TNFSF4: variants seen among roughly 807,000 people sequenced by gnomAD.
The protein encoded by TNFSF4 is TNF superfamily member 4.
Under a neutral mutation model 7.3 loss-of-function variants are expected in TNFSF4, and 4 were observed. The ratio of observed to expected loss-of-function variants is 0.55; its 90% CI spans 0.27 to 1.25. The LOEUF is 1.25. TNFSF4 is among the 50% of genes most tolerant of loss of function. The probability of loss-of-function intolerance (pLI) is 0.12; values close to 1 mark genes in which losing one functional copy is unlikely to be tolerated. For synonymous variants in TNFSF4, 76 were observed against 83.7 expected (o/e 0.91, Z 0.50); for missense variants, 181 against 208.8 (o/e 0.87, Z 0.82).
the TNFSF4 span, among the ~76,000 whole-genome samples, chr1:173,250,581 T>TC: frequency 1.3e-5 from 2 of 151,666 alleles, no homozygotes; most frequent in African/African-American, 4.8e-5. Flanking sequence ...TGCCTCAGCC[T>TC]CCCGAGTAGC....
the TNFSF4 span, among the ~76,000 whole-genome samples, chr1:173,365,851 C>T: frequency 6.5e-4 from 99 of 152,162 alleles, no homozygotes; most frequent in South Asian, 0.019. Context: ...TGTGTCAGGA[C>T]AAGATTTATC....
At chr1:173,342,990 C>T in the TNFSF4 span, among the ~76,000 whole-genome samples, 4 of 152,182 alleles carry the variant, frequency 2.6e-5, no homozygotes, top group African/African-American at 4.8e-5. Context: ...GAAGGTGACA[C>T]AATGCTCTGT....
At chr1:173,190,782 T>C (rs1348385432) in intron 1 of TNFSF4, among the ~76,000 whole-genome samples, 1 of 152,198 alleles carries the variant, frequency 6.6e-6, no homozygotes, top group Non-Finnish European at 1.5e-5. Context: ...AAAGAAGCCC[T>C]CTGTGGAGTA....
At chr1:173,279,563 A>G in the TNFSF4 span, among the ~76,000 whole-genome samples, 2 of 152,032 alleles carry the variant, frequency 1.3e-5, no homozygotes, top group Admixed American at 6.6e-5. Context: ...CCAAAACTGA[A>G]CTCACCATGT....
At chr1:173,434,631 C>G in the TNFSF4 span, among the ~76,000 whole-genome samples, 1 of 152,154 alleles carries the variant, frequency 6.6e-6, no homozygotes, top group African/African-American at 2.4e-5. Context: ...GTTTGAGGGT[C>G]ATGAAATGGG....
At chr1:173,448,836 A>ATGGCT in the TNFSF4 span, among the ~76,000 whole-genome samples, 1 of 152,212 alleles carries the variant, frequency 6.6e-6, no homozygotes, top group East Asian at 1.9e-4. Context: ...AGGGGATGCG[A>ATGGCT]TGGCTTGGCT....
chr1:173,336,252 A>C, the TNFSF4 span, among the ~76,000 whole-genome samples: 1 of 152,180 alleles, frequency 6.6e-6, no homozygotes, highest in East Asian at 1.9e-4. Context: ...ACCACCATTA[A>C]AGATTTGAAA....
the TNFSF4 span, among the ~76,000 whole-genome samples, chr1:173,379,735 C>A: frequency 6.6e-6 from 1 of 152,284 alleles, no homozygotes; most frequent in South Asian, 2.1e-4. Context: ...ATAAACAAAC[C>A]TTGGTGGTTC....
At chr1:173,350,196 G>T in the TNFSF4 span, among the ~76,000 whole-genome samples, 1 of 152,276 alleles carries the variant, frequency 6.6e-6, no homozygotes, top group Non-Finnish European at 1.5e-5. Flanking sequence ...ATTGAAGCTT[G>T]GTTTTGCTGA....
intron 1 of TNFSF4, among the ~76,000 whole-genome samples, chr1:173,204,915 A>T (rs1214057301): frequency 7.5e-6 from 1 of 133,038 alleles, no homozygotes; most frequent in Non-Finnish European, 1.5e-5. Context: ...ACACACACAC[A>T]CACACACAAA....
At chr1:173,306,294 T>C in the TNFSF4 span, among the ~76,000 whole-genome samples, 1 of 151,918 alleles carries the variant, frequency 6.6e-6, no homozygotes, top group African/African-American at 2.4e-5. Context: ...AAAACTTCTC[T>C]CTTCTCTGAG....
chr1:173,388,796 A>G, the TNFSF4 span, among the ~76,000 whole-genome samples: 1 of 152,200 alleles, frequency 6.6e-6, no homozygotes, highest in Non-Finnish European at 1.5e-5. Flanking sequence ...TATTTTTCAG[A>G]TTTCTGTGTC....
the TNFSF4 span, among the ~76,000 whole-genome samples, chr1:173,375,841 C>T: frequency 6.6e-6 from 1 of 152,198 alleles, no homozygotes; most frequent in South Asian, 2.1e-4. Context: ...TCGCTCTTCA[C>T]AATAAACTTT....
At chr1:173,417,397 T>C in the TNFSF4 span, among the ~76,000 whole-genome samples, 1 of 152,264 alleles carries the variant, frequency 6.6e-6, no homozygotes, top group Admixed American at 6.5e-5. Flanking sequence ...CAAGAACTCT[T>C]ATTGGCATTG....
At chr1:173,201,192 C>T (rs1389415035) in intron 1 of TNFSF4, among the ~76,000 whole-genome samples, 1 of 149,714 alleles carries the variant, frequency 6.7e-6, no homozygotes, top group African/African-American at 2.5e-5. Flanking sequence ...CTCTGAACCA[C>T]GTGCAGACAC....
the TNFSF4 span, among the ~76,000 whole-genome samples, chr1:173,424,849 A>C: frequency 6.6e-6 from 1 of 152,274 alleles, no homozygotes. Context: ...GACCTCAGGC[A>C]AATTACTTAA....
chr1:173,228,026 C>G, the TNFSF4 span, among the ~76,000 whole-genome samples: 1 of 152,202 alleles, frequency 6.6e-6, no homozygotes, highest in Non-Finnish European at 1.5e-5. Flanking sequence ...CATAGCCAAA[C>G]AGGAGGCAGC....
At chr1:173,402,417 T>A in the TNFSF4 span, among the ~76,000 whole-genome samples, 6 of 152,342 alleles carry the variant, frequency 3.9e-5, no homozygotes, top group African/African-American at 1.4e-4. Flanking sequence ...AGCTTGTGTA[T>A]ACATCCTGCC....
At chr1:173,403,324 T>G in the TNFSF4 span, among the ~76,000 whole-genome samples, 1 of 152,206 alleles carries the variant, frequency 6.6e-6, no homozygotes, top group South Asian at 2.1e-4. Flanking sequence ...AGCCTGATGC[T>G]ACTGCTAGCC....
Sources: allele counts gnomAD v4.1 joint callset (sites outside exome capture counted in the v4.1 genomes callset), GRCh38; gene constraint gnomAD v4.1.1; transcripts MANE v1.5; gene names NCBI Gene and HGNC (gene_info 2026-07-23, HGNC 2026-07-21).